TUT4: variants seen among roughly 807,000 people sequenced by gnomAD.
TUT4 encodes terminal uridylyl transferase 4.
TUT4 carries 36 observed loss-of-function variants against 192.2 expected under a neutral mutation model. The ratio of observed to expected loss-of-function variants is 0.19; its 90% confidence interval spans 0.14 to 0.25. The LOEUF (loss-of-function observed/expected upper bound fraction) is 0.25. TUT4 is among the 10% of genes least tolerant of loss of function. The pLI, the probability that TUT4 is intolerant of heterozygous loss-of-function variation, is 1.00. For missense variants in TUT4, 1,493 were observed against 1,957.2 expected (o/e 0.76, Z 4.47); for synonymous variants, 618 against 666.0 (o/e 0.93, Z 1.11).
rs189091309 is a variant in TUT4, at chr1:52,493,240, C to T, written c.1318+371G>A. On this transcript the variant is annotated intron_variant, in intron 7 of 29. Transcript: ENST00000257177. ...CTGGGACTACAGGTACGTGCCACCACGCCTGGCTAATTTTGTGTTTTTAGT... is the reference window on the plus strand; with the variant it reads ...CTGGGACTACAGGTACGTGCCACCATGCCTGGCTAATTTTGTGTTTTTAGT... Among the ~76,000 whole-genome samples the T allele has an allele frequency of 5.3e-5, 8 of 152,180 alleles. No individual in the cohort carries two copies. The East Asian group carries it at 5.8e-4, about 11-fold the overall frequency.
At chr1:52,464,289 T>TG (rs1663459749) in intron 16 of TUT4, among the ~76,000 whole-genome samples, 1 of 152,082 alleles carries the variant, frequency 6.6e-6, no homozygotes, top group African/African-American at 2.4e-5. Flanking sequence ...GGAGTCTCAC[T>TG]CTGTCACCAG....
intron 20 of TUT4, among the ~76,000 whole-genome samples, chr1:52,456,502 A>G (rs1198416376): frequency 6.7e-6 from 1 of 149,848 alleles, no homozygotes; most frequent in Admixed American, 6.6e-5. Flanking sequence ...AAAAAAAAAG[A>G]AAGAAAAAGA....
chr1:52,518,511 G>A (rs11205967), intron 2 of TUT4, among the ~76,000 whole-genome samples: 4,204 of 152,136 alleles, frequency 0.028, 133 homozygotes, highest in African/African-American at 0.078. Context: ...TCACCATTAT[G>A]ACCTCATTTA....
At chr1:52,498,937 TATATATATATATATATATATATG>T (rs1673311413) in intron 4 of TUT4, among the ~76,000 whole-genome samples, 2 of 87,798 alleles carry the variant, frequency 2.3e-5, no homozygotes, top group South Asian at 3.6e-4. Context: ...TATATATATA[TATATATATATATATATATATATG>T]ACATTTTTCA....
At chr1:52,530,675 G>A (rs1683125339) in intron 1 of TUT4, among the ~76,000 whole-genome samples, 1 of 152,030 alleles carries the variant, frequency 6.6e-6, no homozygotes, top group African/African-American at 2.4e-5. Context: ...GTAATTCCTA[G>A]AAACGAAGTT....
chr1:52,519,821 A>AT (rs1056786839), intron 2 of TUT4, among the ~76,000 whole-genome samples: 8 of 152,096 alleles, frequency 5.3e-5, no homozygotes, highest in East Asian at 3.9e-4. Context: ...GAATACTTAG[A>AT]TTTTTTAAAT....
Position 52,495,406 on chromosome 1 carries a change from GGAAA to G in TUT4, c.1266+17_1266+20del. On this transcript the variant is annotated intron_variant, in intron 6 of 29. Transcript: ENST00000257177. ...CTAAGTACTAGTTAAGAACCACACA[GGAAA>G]GATTCTAATTACTTACCTTGGGAGG... 1.4e-6 allele frequency: 2 copies of G among 1,476,224 alleles called. No homozygotes were observed. The highest frequency in any genetic ancestry group is 1.9e-6 in the Non-Finnish European group (2 of 1,063,536). 91.4% of individuals were successfully genotyped at this position (1,476,224 alleles called of 1,614,324 possible).
Position 52,461,206 on chromosome 1 carries a change from T to C in TUT4, c.3249A>G (p.Arg1083=). The C allele has an allele frequency of 3.1e-6, 5 of 1,608,006 alleles. No homozygotes were observed. Among genetic ancestry groups the C allele is most frequent in the Non-Finnish European group, 4.2e-6 (5 of 1,177,134 alleles). Residue 1083 remains arginine (R), a synonymous_variant, in exon 19 of 30, where the codon AGA becomes AGG. Transcript: ENST00000257177. ...LYNTLAQHNT[R]MLATYAAIDP... is the part of the protein sequence containing the mutation. ...CAATAGCTGCATAAGTAGCTAGCAT[T>C]CTTGTGTTATGTTGAGCCTGAAAAA... is the stretch of plus-strand genomic sequence containing the variant.
chr1:52,481,941 A>T lies in TUT4; in HGVS notation c.1516-18T>A, dbSNP rs755908067. The T allele has an allele frequency of 6.7e-7, 1 of 1,484,096 alleles. No individual in the cohort carries two copies. The allele number at this position is 1,484,096 out of a possible 1,614,324, so 91.9% of individuals were successfully genotyped here. On this transcript the variant is annotated intron_variant, in intron 9 of 29. Transcript: ENST00000257177. ...TAGCACAACTGCAAAATGAAGGGGAAAAAAGTACTACCATTTAGCTTTCTT... is the reference window on the plus strand; with the variant it reads ...TAGCACAACTGCAAAATGAAGGGGATAAAAGTACTACCATTTAGCTTTCTT...
intron 1 of TUT4, among the ~76,000 whole-genome samples, chr1:52,538,989 C>T (rs994218680): frequency 1.3e-5 from 2 of 152,228 alleles, no homozygotes; most frequent in Admixed American, 6.5e-5. Flanking sequence ...TGAACCACCA[C>T]TAGTTATACA....
intron 20 of TUT4, among the ~76,000 whole-genome samples, chr1:52,451,525 G>A (rs1659417153): frequency 6.6e-6 from 1 of 152,062 alleles, no homozygotes; most frequent in African/African-American, 2.4e-5. Context: ...TAACCTAGAT[G>A]AAATGAACTA....
intron 9 of TUT4, among the ~76,000 whole-genome samples, chr1:52,484,671 A>T (rs141136091): frequency 0.013 from 1,928 of 152,334 alleles, 168 homozygotes; most frequent in Admixed American, 0.12. Flanking sequence ...GCACTATTTA[A>T]TAAAATCTGT....
chr1:52,475,901 G>A (rs1666965417), intron 12 of TUT4, among the ~76,000 whole-genome samples: 1 of 151,872 alleles, frequency 6.6e-6, no homozygotes, highest in African/African-American at 2.4e-5. Context: ...CTGGAGTACA[G>A]TGCTATGATC....
At chr1:52,424,247 A>G (rs1286769688) in intron 29 of TUT4, 1 of 483,660 alleles carries the variant, frequency 2.1e-6, no homozygotes, top group African/African-American at 2.0e-5. Flanking sequence ...ACCCACTAGA[A>G]AAGAGTTGCA....
intron 27 of TUT4, chr1:52,435,055 T>C (rs1653329552): frequency 5.5e-6 from 1 of 181,362 alleles, no homozygotes; most frequent in Non-Finnish European, 1.1e-5. Flanking sequence ...GGTACTGATA[T>C]TTTTCCACTA....
intron 14 of TUT4, among the ~76,000 whole-genome samples, chr1:52,470,190 C>CA (rs537861538): frequency 2.6e-5 from 4 of 151,266 alleles, no homozygotes; most frequent in Admixed American, 6.6e-5. Flanking sequence ...CCCAAACAAA[C>CA]AAAAAAAACC....
In TUT4 at chr1:52,526,181, A is replaced by G. The variant is rs1443798529; in HGVS notation, c.100T>C (p.Leu34=). The G allele has an allele frequency of 1.2e-6, 2 of 1,611,708 alleles. No individual in the cohort carries two copies. The highest frequency in any genetic ancestry group is 2.2e-5 in the East Asian group (1 of 44,816). ...ACGGATTTATCATTTCTAGCTTTCA[A>G]TGTTTGATTACCTATAACTTGAACT... ...KAVQVIGNQT[L]KARNDKSVKE... Residue 34 remains leucine, a synonymous_variant, in exon 2 of 30, where the codon TTG becomes CTG. Coordinates refer to ENST00000257177, the MANE Select transcript of TUT4 (RefSeq NM_001009881.3).
intron 5 of TUT4, 51 bp from the exon 6 acceptor site, chr1:52,495,566 G>A: frequency 7.1e-7 from 1 of 1,412,504 alleles, no homozygotes; most frequent in South Asian, 1.3e-5. Context: ...AAATATGAGA[G>A]ATGTAAAAAA....
chr1:52,457,938 G>A (rs950879011), intron 20 of TUT4, among the ~76,000 whole-genome samples: 6 of 152,218 alleles, frequency 3.9e-5, no homozygotes, highest in Middle Eastern at 3.4e-3. Context: ...GTATACATAA[G>A]AATAAATCAA....
Sources: gnomAD v4.1 joint callset for allele counts (sites outside exome capture counted in the v4.1 genomes callset) on GRCh38, gnomAD v4.1.1 for gene constraint, MANE v1.5 for transcripts, NCBI Gene and HGNC (gene_info 2026-07-23, HGNC 2026-07-21) for gene names.